NOX5: variants seen among roughly 807,000 people sequenced by gnomAD.
NOX5 encodes NADPH oxidase 5, also known as NADPH oxidase, EF-hand calcium binding domain 5.
A neutral mutation model predicts 85.7 loss-of-function variants in NOX5; 76 were observed. That is an observed-to-expected ratio of 0.89 (90% CI 0.74 to 1.07). The LOEUF (loss-of-function observed/expected upper bound fraction) is 1.07, where lower values mean the gene tolerates loss of function less well. Among genes scored for constraint, NOX5 ranks in the 50% least tolerant of loss-of-function variants. The pLI is 0.00. For missense variants in NOX5, 973 were observed against 999.5 expected (o/e 0.97, Z 0.36); for synonymous variants, 405 against 401.4 (o/e 1.01, Z -0.11).
chr15:69,031,759 G>A lies in NOX5; in HGVS notation c.567G>A (p.Glu189=), dbSNP rs924534915. ...ADGNGAITFE[E]LRDELQRFPG... is the part of the protein sequence containing the mutation. ...GCAACGGGGCCATCACCTTCGAGGAGCTCCGGGACGAGCTGCAGCGCTTCC... is the reference window on the plus strand; with the variant it reads ...GCAACGGGGCCATCACCTTCGAGGAACTCCGGGACGAGCTGCAGCGCTTCC... Residue 189 remains glutamate, a synonymous_variant, in exon 4 of 16, where the codon GAG becomes GAA. Transcript: ENST00000388866. The A allele has an allele frequency of 1.2e-6, 2 of 1,608,814 alleles. No individual in the cohort carries two copies. Among genetic ancestry groups the A allele is most frequent in the African/African-American group, 2.7e-5 (2 of 74,866 alleles).
In NOX5 at chr15:69,047,499, C is replaced by G. The variant is rs1174823430; in HGVS notation, c.1779C>G (p.Ile593Met). 1.2e-6 allele frequency: 2 copies of G among 1,613,932 alleles called. No homozygotes were observed. Among genetic ancestry groups the G allele is most frequent in the Admixed American group, 1.7e-5 (1 of 59,986 alleles). ...HAVLIGAGIG[I>M]TPFASILQSI... ...TGCTCATCGGGGCAGGCATCGGCAT[C>G]ACCCCCTTTGCTTCCATTCTGCAGA... The change falls in exon 12 of 16, where the codon ATC (isoleucine) becomes ATG (methionine). Residue 593 changes from isoleucine (I) to methionine (M), a missense_variant. Coordinates refer to ENST00000388866, the MANE Select transcript of NOX5 (RefSeq NM_024505.4).
intron 1 of NOX5, among the ~76,000 whole-genome samples, 190 bp from the exon 2 acceptor site, chr15:69,026,338 G>T (rs2050357124): frequency 6.6e-6 from 1 of 152,198 alleles, no homozygotes; most frequent in African/African-American, 2.4e-5. Context: ...AAGAGGAAGA[G>T]ACTGAGGCAT....
At chr15:69,019,845 A>G (rs548827140) in intron 1 of NOX5, among the ~76,000 whole-genome samples, 102 of 152,350 alleles carry the variant, frequency 6.7e-4, no homozygotes, top group South Asian at 4.4e-3. Context: ...AGTACAATTC[A>G]TGTTCTCACC....
intron 11 of NOX5, chr15:69,047,161 C>A: frequency 1.7e-6 from 1 of 575,866 alleles, no homozygotes; most frequent in Non-Finnish European, 3.0e-6. Flanking sequence ...CGGCACACAC[C>A]CCAGGGATGC....
At chr15:69,026,762 C>T in intron 2 of NOX5, 111 bp downstream of exon 2, 2 of 1,470,262 alleles carry the variant, frequency 1.4e-6, no homozygotes, top group Non-Finnish European at 1.9e-6. Flanking sequence ...CCTGAGGTCT[C>T]CACCTTGTAG....
At chr15:69,029,051 G>A (rs1476011021) in intron 3 of NOX5, 2 of 152,076 alleles carry the variant, frequency 1.3e-5, no homozygotes, top group African/African-American at 2.4e-5. Context: ...CATTAATTAA[G>A]TACATTCACA....
intron 14 of NOX5, among the ~76,000 whole-genome samples, chr15:69,052,154 G>T (rs1184200086): frequency 6.6e-6 from 1 of 151,436 alleles, no homozygotes; most frequent in African/African-American, 2.4e-5. Context: ...AGAGTTTGAG[G>T]CTGCAGCGAG....
rs780394300 is a variant in NOX5 at position 69,031,754 on chromosome 15, G to T, written c.562G>T (p.Glu188Ter). ...GGACGGCAACGGGGCCATCACCTTC[G>T]AGGAGCTCCGGGACGAGCTGCAGCG... is the stretch of plus-strand genomic sequence containing the variant. Reference protein sequence around the residue: ...DADGNGAITFEELRDELQRFP... With the variant: ...DADGNGAITF Residue 188 changes from glutamate to a stop codon, truncating the protein, a stop_gained, in exon 4 of 16, where the codon GAG becomes TAG. Coordinates refer to ENST00000388866, the MANE Select transcript of NOX5 (RefSeq NM_024505.4). LOFTEE classifies it high-confidence loss of function. 3 of 1,611,196 alleles carry T rather than the reference G, an allele frequency of 1.9e-6. No homozygotes were observed. Among genetic ancestry groups the T allele is most frequent in the East Asian group, 2.2e-5 (1 of 44,812 alleles).
chr15:69,061,898 T>G lies in NOX5; in HGVS notation c.*5202T>G, dbSNP rs1321017630. On this transcript the variant is annotated 3_prime_UTR_variant, in exon 16 of 16. Coordinates refer to ENST00000388866, the MANE Select transcript of NOX5 (RefSeq NM_024505.4). The stretch of plus-strand genomic sequence containing the variant: ...GTAAAGGAAAAAAAAATTCTGAGAT[T>G]TACCCAAATTTGGCTGGACATGAGT... 2 of 152,162 alleles carry G rather than the reference T, an allele frequency of 1.3e-5. No individual in the cohort carries two copies. Among genetic ancestry groups the G allele is most frequent in the Non-Finnish European group, 2.9e-5 (2 of 68,028 alleles). The allele number at this position is 152,162 out of a possible 1,614,324, so 9.4% of individuals were successfully genotyped here.
At chr15:69,040,821 G>A (rs2050584595) in intron 9 of NOX5, among the ~76,000 whole-genome samples, 1 of 152,004 alleles carries the variant, frequency 6.6e-6, no homozygotes, top group Non-Finnish European at 1.5e-5. Flanking sequence ...GGGATTACAG[G>A]CACGTGCCAC....
At chr15:69,019,788 T>G (rs1171995365) in intron 1 of NOX5, among the ~76,000 whole-genome samples, 3 of 152,214 alleles carry the variant, frequency 2.0e-5, no homozygotes, top group Non-Finnish European at 4.4e-5. Context: ...CAGTAACACT[T>G]TTATTTTTGT....
chr15:69,061,323 C>A lies in NOX5; in HGVS notation c.*4627C>A, dbSNP rs1321544301. ...GTGCCCATTATCAATATGCTGCTGG[C>A]CCTGAATGGCCTAAGTATTAAAATA... On this transcript the variant is annotated 3_prime_UTR_variant, in exon 16 of 16. Transcript: ENST00000388866. The A allele has an allele frequency of 6.6e-6, 1 of 152,224 alleles. No individual in the cohort carries two copies. The highest frequency in any genetic ancestry group is 2.4e-5 in the African/African-American group (1 of 41,464). 9.4% of individuals were successfully genotyped at this position (152,224 alleles called of 1,614,324 possible). A position where few individuals can be genotyped will look rare whatever the true frequency, so the allele number is the denominator to read the frequency against.
chr15:69,054,687 T>C (rs1028491903), intron 14 of NOX5, among the ~76,000 whole-genome samples: 4 of 152,162 alleles, frequency 2.6e-5, no homozygotes, highest in African/African-American at 9.7e-5. Flanking sequence ...CCTAACCCAG[T>C]CCCCATCCCT....
At chr15:69,021,229 A>G (rs2050291902) in intron 1 of NOX5, among the ~76,000 whole-genome samples, 1 of 152,148 alleles carries the variant, frequency 6.6e-6, no homozygotes, top group African/African-American at 2.4e-5. Context: ...TCTTTCTATG[A>G]TCTAAGATGG....
intron 14 of NOX5, among the ~76,000 whole-genome samples, chr15:69,051,923 A>G (rs1039227421): frequency 1.3e-5 from 2 of 152,130 alleles, no homozygotes; most frequent in Admixed American, 1.3e-4. Context: ...TACTTTTATC[A>G]AAAATGAATG....
At position 69,028,314 on chromosome 15, in the gene NOX5, G is replaced by A. The variant is rs2050385812; in HGVS notation, c.274G>A (p.Gly92Ser). The change falls in exon 3 of 16, where the codon GGC becomes AGC. Residue 92 changes from glycine (G) to serine (S), a missense_variant. Transcript: ENST00000388866. Reference protein sequence around the residue: ...LQEALTLLIHGSPMDKLKFLF... With the variant: ...LQEALTLLIHSSPMDKLKFLF... Reference sequence around the variant, plus strand: ...GGAGGCACTGACCCTGCTCATCCATGGCAGCCCCATGGACAAACTCAAATT... The same window carrying A: ...GGAGGCACTGACCCTGCTCATCCATAGCAGCCCCATGGACAAACTCAAATT... 1 of 1,613,192 alleles carries A rather than the reference G, an allele frequency of 6.2e-7. No homozygotes were observed. The highest frequency in any genetic ancestry group is 8.5e-7 in the Non-Finnish European group (1 of 1,179,640).
Position 69,031,763 on chromosome 15 carries a change from C to T in NOX5, c.571C>T (p.Arg191Trp). Residue 191 changes from arginine to tryptophan, a missense_variant, in exon 4 of 16, where the codon CGG becomes TGG. Transcript: ENST00000388866. Reference protein sequence around the residue: ...GNGAITFEELRDELQRFPGVM... With the variant: ...GNGAITFEELWDELQRFPGVM... ...CGGGGCCATCACCTTCGAGGAGCTC[C>T]GGGACGAGCTGCAGCGCTTCCCCGG... The T allele has an allele frequency of 6.2e-7, 1 of 1,608,474 alleles. No homozygotes were observed. The highest frequency in any genetic ancestry group is 8.5e-7 in the Non-Finnish European group (1 of 1,176,040).
At chr15:69,050,096 C>T (rs920792890) in intron 14 of NOX5, among the ~76,000 whole-genome samples, 12 of 152,160 alleles carry the variant, frequency 7.9e-5, no homozygotes, top group South Asian at 2.1e-4. Flanking sequence ...TAGTCTGTTC[C>T]GTCTGACGTC....
At position 69,017,463 on chromosome 15, in the gene NOX5, A is replaced by C. The variant is rs113281052; in HGVS notation, c.50+2678A>C. Among the ~76,000 whole-genome samples the C allele has an allele frequency of 3.2e-4, 48 of 152,270 alleles. 2 individuals are homozygous for C. The highest frequency in any genetic ancestry group is 1.1e-3 in the African/African-American group (47 of 41,560). On this transcript the variant is annotated intron_variant, in intron 1 of 15. Coordinates refer to ENST00000388866, the MANE Select transcript of NOX5 (RefSeq NM_024505.4). The stretch of plus-strand genomic sequence containing the variant: ...CACTGCGGCCGGCCAGACGTTCCTA[A>C]GTCTTTAGACAAAAACTTAATTCTT...
Sources: gnomAD v4.1 joint callset for allele counts (sites outside exome capture counted in the v4.1 genomes callset) on GRCh38, gnomAD v4.1.1 for gene constraint, MANE v1.5 for transcripts, NCBI Gene and HGNC (gene_info 2026-07-23, HGNC 2026-07-21) for gene names.